ZRANB3: variants seen among roughly 807,000 people sequenced by gnomAD.
ZRANB3 encodes the protein zinc finger RANBP2-type containing 3.
ZRANB3 carries 125 observed loss-of-function variants against 133.8 expected under a neutral mutation model. That is an observed-to-expected ratio of 0.93 (90% CI 0.81 to 1.08). The LOEUF (loss-of-function observed/expected upper bound fraction) is 1.08. Among genes scored for constraint, ZRANB3 ranks in the 50% least tolerant of loss-of-function variants. ZRANB3 has a pLI of 0.00. For synonymous variants in ZRANB3, 387 were observed against 432.7 expected (o/e 0.89, Z 1.31); for missense variants, 1,229 against 1,275.5 (o/e 0.96, Z 0.56).
chr2:135,399,531 C>T (rs1574038744), intron 2 of ZRANB3, among the ~76,000 whole-genome samples: 2 of 152,186 alleles, frequency 1.3e-5, no homozygotes, highest in East Asian at 3.9e-4. Flanking sequence ...TTTACATTGT[C>T]TTTTCATAGG....
chr2:135,209,668 T>C (rs1287471800), intron 17 of ZRANB3, among the ~76,000 whole-genome samples: 1 of 152,204 alleles, frequency 6.6e-6, no homozygotes, highest in African/African-American at 2.4e-5. Context: ...GGAATTTAAG[T>C]TGGTAAAATG....
chr2:135,370,967 C>A (rs1270409931), intron 3 of ZRANB3, among the ~76,000 whole-genome samples: 2 of 152,188 alleles, frequency 1.3e-5, no homozygotes, highest in Non-Finnish European at 2.9e-5. Flanking sequence ...TCCTGCCACC[C>A]TGTGAAGAGG....
At chr2:135,204,015 T>A (rs2105033828) in intron 19 of ZRANB3, among the ~76,000 whole-genome samples, 1 of 152,360 alleles carries the variant, frequency 6.6e-6, no homozygotes, top group Admixed American at 6.5e-5. Flanking sequence ...AGTATGGCAC[T>A]TGCTTTTATT....
intron 6 of ZRANB3, among the ~76,000 whole-genome samples, chr2:135,321,733 C>T (rs898581788): frequency 6.6e-6 from 1 of 152,056 alleles, no homozygotes; most frequent in Non-Finnish European, 1.5e-5. Flanking sequence ...GCCCACCTTG[C>T]CTCCCAAAGT....
At chr2:135,294,768 A>G (rs556015324) in intron 8 of ZRANB3, among the ~76,000 whole-genome samples, 15 of 151,870 alleles carry the variant, frequency 9.9e-5, no homozygotes, top group African/African-American at 3.6e-4. Context: ...ACTGCTTTGA[A>G]TGTGTCCCAG....
intron 8 of ZRANB3, among the ~76,000 whole-genome samples, chr2:135,302,550 G>T (rs1378086739): frequency 1.3e-5 from 2 of 149,394 alleles, no homozygotes; most frequent in Admixed American, 6.6e-5. Flanking sequence ...TTTGAGATGG[G>T]AGTCTCGCTC....
intron 2 of ZRANB3, among the ~76,000 whole-genome samples, chr2:135,446,292 A>T (rs532563090): frequency 2.2e-4 from 33 of 152,276 alleles, no homozygotes; most frequent in African/African-American, 7.9e-4. Context: ...GATAAAATAC[A>T]GGGGTAAAAA....
chr2:135,509,472 A>G (rs998439664), intron 1 of ZRANB3, among the ~76,000 whole-genome samples: 3 of 152,164 alleles, frequency 2.0e-5, no homozygotes, highest in African/African-American at 7.2e-5. Context: ...TAATAAAACA[A>G]ATCTAGATAT....
At chr2:135,470,644 G>A (rs929308652) in intron 2 of ZRANB3, among the ~76,000 whole-genome samples, 6 of 151,724 alleles carry the variant, frequency 4.0e-5, no homozygotes, top group South Asian at 2.1e-4. Flanking sequence ...CCAAGATCAC[G>A]CCACTGCACT....
Position 135,504,490 on chromosome 2 carries a change from G to C in ZRANB3, c.-1C>G, listed in dbSNP as rs201985537. The C allele has an allele frequency of 6.9e-6, 11 of 1,604,432 alleles. No homozygotes were observed. The highest frequency in any genetic ancestry group is 8.5e-6 in the Non-Finnish European group (10 of 1,176,850). On this transcript the variant is annotated 5_prime_UTR_variant, in exon 2 of 21. In the 5' UTR this introduces an upstream ATG that the reference lacks. Transcript: ENST00000264159. ...TTTTTATGTTATGAACCCTAGGCATGATGATCCTAAAAACAAAGAAACAAC... is the reference window on the plus strand; with the variant it reads ...TTTTTATGTTATGAACCCTAGGCATCATGATCCTAAAAACAAAGAAACAAC...
intron 17 of ZRANB3, among the ~76,000 whole-genome samples, chr2:135,209,429 G>A (rs1018339181): frequency 6.6e-6 from 1 of 152,144 alleles, no homozygotes; most frequent in Middle Eastern, 3.2e-3. Flanking sequence ...TAGTGTATCA[G>A]TGTTTGGGTA....
chr2:135,204,657 A>G (rs1038184572), intron 19 of ZRANB3, among the ~76,000 whole-genome samples: 35 of 143,764 alleles, frequency 2.4e-4, no homozygotes, highest in African/African-American at 9.0e-4. Flanking sequence ...AAAAATATAT[A>G]TATATACATA....
intron 12 of ZRANB3, among the ~76,000 whole-genome samples, chr2:135,260,279 C>G (rs1159638225): frequency 6.6e-6 from 1 of 152,142 alleles, no homozygotes; most frequent in Non-Finnish European, 1.5e-5. Context: ...AAGGAAGAAG[C>G]AGTGGAAATT....
At chr2:135,287,218 C>CAA (rs1681420340) in intron 8 of ZRANB3, among the ~76,000 whole-genome samples, 1 of 152,186 alleles carries the variant, frequency 6.6e-6, no homozygotes, top group African/African-American at 2.4e-5. Context: ...TGTTGAAGAT[C>CAA]AGTTGGCTGT....
rs536699382 is a variant in ZRANB3 at position 135,365,044 on chromosome 2, C to CA, written c.181-11417dup. ...AGCCTGGGCAACAGAGACTCTGTCT[C>CA]AAAAAAAAAAATAAATAAAATGAAA... On this transcript the variant is annotated intron_variant, in intron 3 of 20. Transcript: ENST00000264159. 1.1e-3 allele frequency among the ~76,000 whole-genome samples: 143 copies of CA among 128,620 alleles called. No individual in the cohort carries two copies. In the East Asian group the frequency reaches 0.013, roughly 12 times the overall value. 84.4% of individuals were successfully genotyped at this position (128,620 alleles called of 152,430 possible).
intron 1 of ZRANB3, among the ~76,000 whole-genome samples, chr2:135,522,440 GC>G (rs1693987493): frequency 6.6e-6 from 1 of 152,214 alleles, no homozygotes; most frequent in African/African-American, 2.4e-5. Flanking sequence ...TGGGGTACCC[GC>G]CGGGTGGTGT....
intron 2 of ZRANB3, among the ~76,000 whole-genome samples, chr2:135,441,130 A>G (rs1689760892): frequency 6.6e-6 from 1 of 152,210 alleles, no homozygotes; most frequent in Non-Finnish European, 1.5e-5. Context: ...AAGAAGCTCA[A>G]TGAATCCTAA....
At chr2:135,417,435 G>T (rs1688637695) in intron 2 of ZRANB3, among the ~76,000 whole-genome samples, 1 of 151,960 alleles carries the variant, frequency 6.6e-6, no homozygotes, top group African/African-American at 2.4e-5. Flanking sequence ...CAGTTAGAAT[G>T]GCAATCATTA....
chr2:135,403,025 G>T (rs1392268588), intron 2 of ZRANB3, among the ~76,000 whole-genome samples: 1 of 152,144 alleles, frequency 6.6e-6, no homozygotes, highest in East Asian at 1.9e-4. Context: ...TCCCAGTGTG[G>T]GCGACGCAGA....
Sources: gnomAD v4.1 joint callset for allele counts (sites outside exome capture counted in the v4.1 genomes callset) on GRCh38, gnomAD v4.1.1 for gene constraint, MANE v1.5 for transcripts, NCBI Gene and HGNC (gene_info 2026-07-23, HGNC 2026-07-21) for gene names.